Variants in ZNF385D observed in about 807,000 individuals in gnomAD.
ZNF385D encodes the protein zinc finger protein 385D.
In ZNF385D, 15 loss-of-function variants were observed where a neutral mutation model predicts 35.8. The ratio of observed to expected loss-of-function variants is 0.42; its 90% CI spans 0.28 to 0.64. The LOEUF is 0.64. Ranked by LOEUF, ZNF385D falls within the 30% of genes least tolerant of loss-of-function variation. ZNF385D has a pLI of 0.23. For synonymous variants in ZNF385D, 212 were observed against 186.8 expected (o/e 1.13, Z -1.10); for missense variants, 474 against 494.6 (o/e 0.96, Z 0.39).
At chr3:22,048,929 T>A (rs1406859591) in intron 3 of ZNF385D, among the ~76,000 whole-genome samples, 1 of 152,172 alleles carries the variant, frequency 6.6e-6, no homozygotes, top group Non-Finnish European at 1.5e-5. Context: ...TTCATTCATG[T>A]TTTATAATTT....
rs183551353 is a variant in ZNF385D, at chr3:22,287,682, T to C, written c.106+84768A>G. On this transcript the variant is annotated intron_variant, in intron 2 of 5. Transcript: ENST00000494108. ...GCATTTTAGGTTTTTGATGACACAA[T>C]TTACATTCCTTTATAATTTGCATCC... 1.8e-3 allele frequency among the ~76,000 whole-genome samples: 275 copies of C among 152,110 alleles called. 1 individual carries two copies. The highest frequency in any genetic ancestry group is 4.7e-3 in the Admixed American group (72 of 15,258).
At chr3:21,568,018 G>T (rs1422287728) in intron 2 of ZNF385D, among the ~76,000 whole-genome samples, 1 of 151,838 alleles carries the variant, frequency 6.6e-6, no homozygotes, top group Non-Finnish European at 1.5e-5. Flanking sequence ...ATGCAAAGTG[G>T]TATATTCTGC....
At chr3:21,839,922 A>G (rs1695560400) in intron 3 of ZNF385D, among the ~76,000 whole-genome samples, 4 of 151,992 alleles carry the variant, frequency 2.6e-5, no homozygotes. Flanking sequence ...GCACAGCCTT[A>G]CACCGGACTG....
intron 3 of ZNF385D, among the ~76,000 whole-genome samples, chr3:22,094,327 T>C (rs894052763): frequency 5.3e-5 from 7 of 132,474 alleles, no homozygotes; most frequent in African/African-American, 1.7e-4. Flanking sequence ...AGTTGTACCC[T>C]TTTTTTTCTT....
At chr3:22,207,280 A>G (rs1021973613) in intron 2 of ZNF385D, among the ~76,000 whole-genome samples, 2 of 151,968 alleles carry the variant, frequency 1.3e-5, no homozygotes, top group Non-Finnish European at 2.9e-5. Context: ...TGCCAAAACA[A>G]TTCCATACAT....
intron 3 of ZNF385D, among the ~76,000 whole-genome samples, chr3:21,943,836 A>G (rs1057147650): frequency 1.3e-5 from 2 of 152,198 alleles, no homozygotes; most frequent in Non-Finnish European, 2.9e-5. Flanking sequence ...ACACTGATGC[A>G]TTTTGTTGCA....
At chr3:21,917,159 C>T (rs970484991) in intron 3 of ZNF385D, among the ~76,000 whole-genome samples, 7 of 152,076 alleles carry the variant, frequency 4.6e-5, no homozygotes, top group African/African-American at 9.7e-5. Flanking sequence ...TGGCCTGGTG[C>T]GGTGGCTCAT....
At chr3:21,835,408 G>A (rs965732954) in intron 3 of ZNF385D, among the ~76,000 whole-genome samples, 4 of 151,630 alleles carry the variant, frequency 2.6e-5, no homozygotes, top group Non-Finnish European at 5.9e-5. Flanking sequence ...GAGAACATAT[G>A]TTGCCTCCAA....
intron 2 of ZNF385D, among the ~76,000 whole-genome samples, chr3:22,301,386 A>T (rs908545491): frequency 6.6e-6 from 1 of 152,176 alleles, no homozygotes. Flanking sequence ...GTTAATAACA[A>T]TGTATTGTAT....
chr3:22,099,112 T>G (rs1237790350), intron 3 of ZNF385D, among the ~76,000 whole-genome samples: 1 of 152,084 alleles, frequency 6.6e-6, no homozygotes, highest in Non-Finnish European at 1.5e-5. Flanking sequence ...ATGGTATTCT[T>G]AACAGAACAC....
At chr3:22,362,276 C>T (rs890807916) in intron 2 of ZNF385D, among the ~76,000 whole-genome samples, 1 of 151,132 alleles carries the variant, frequency 6.6e-6, no homozygotes, top group Non-Finnish European at 1.5e-5. Flanking sequence ...TTCAGATTAA[C>T]TTGCATTGAT....
chr3:21,787,660 G>A (rs746013876), intron 3 of ZNF385D, among the ~76,000 whole-genome samples: 3 of 152,110 alleles, frequency 2.0e-5, no homozygotes, highest in Non-Finnish European at 4.4e-5. Context: ...CACAAGCACT[G>A]CCATCAATTC....
chr3:22,073,825 G>A (rs1049738244), intron 3 of ZNF385D, among the ~76,000 whole-genome samples: 3 of 151,800 alleles, frequency 2.0e-5, no homozygotes, highest in Admixed American at 1.3e-4. Context: ...ACAGAAAGAG[G>A]TTATTTATTT....
intron 2 of ZNF385D, among the ~76,000 whole-genome samples, chr3:21,608,023 G>GTTTTTTTTTGTTTTTTTTTTTTTTT (rs1553622610): frequency 1.7e-5 from 2 of 120,220 alleles, no homozygotes; most frequent in African/African-American, 6.4e-5. Context: ...TTTTTTTTTT[G>GTTTTTTTTTGTTTTTTTTTTTTTTT]TTTTTTTTTT....
intron 2 of ZNF385D, among the ~76,000 whole-genome samples, chr3:21,584,240 A>G (rs919465193): frequency 6.6e-6 from 1 of 152,062 alleles, no homozygotes; most frequent in African/African-American, 2.4e-5. Context: ...TGGCCTCCCA[A>G]AGTGCTGGGA....
In ZNF385D at chr3:21,511,115, A is replaced by G. The variant is rs2242434; in HGVS notation, c.277-92T>C. 889 of 1,492,980 alleles carry G rather than the reference A, an allele frequency of 6.0e-4. 14 individuals carry two copies. The East Asian group carries it at 0.017, about 29-fold the overall frequency. 92.5% of individuals were successfully genotyped at this position (1,492,980 alleles called of 1,614,324 possible). On this transcript the variant is annotated intron_variant, in intron 3 of 7. Transcript: ENST00000281523. ...TGCAAATACAGACTCCCTTTCAATA[A>G]CAGGTACCATTCGAGCTAATTCTGG...
At chr3:21,512,242 G>A (rs367772969) in intron 3 of ZNF385D, among the ~76,000 whole-genome samples, 1 of 151,514 alleles carries the variant, frequency 6.6e-6, no homozygotes, top group Admixed American at 6.6e-5. Flanking sequence ...AGAAAATACT[G>A]TAGTTGGTGG....
chr3:21,815,639 G>A (rs2073114329), intron 3 of ZNF385D, among the ~76,000 whole-genome samples: 1 of 152,140 alleles, frequency 6.6e-6, no homozygotes. Context: ...GGAAGAAGTT[G>A]AATCCCTGAA....
intron 1 of ZNF385D, among the ~76,000 whole-genome samples, chr3:21,713,857 C>A (rs1162177933): frequency 6.6e-6 from 1 of 152,080 alleles, no homozygotes; most frequent in East Asian, 1.9e-4. Context: ...CAAACACCAC[C>A]TTTTTTAAAG....
Sources: allele counts gnomAD v4.1 joint callset (sites outside exome capture counted in the v4.1 genomes callset), GRCh38; gene constraint gnomAD v4.1.1; transcripts MANE v1.5; gene names NCBI Gene and HGNC (gene_info 2026-07-23, HGNC 2026-07-21).